The following DLG2 variants were observed in gnomAD, a reference collection of about 807,000 sequenced individuals.
DLG2 encodes disks large homolog 2.
In DLG2, 45 loss-of-function variants were observed where a neutral mutation model predicts 132.5. The observed-to-expected ratio is 0.34, with a 90% CI of 0.27 to 0.44. The LOEUF is 0.44. Ranked by LOEUF, DLG2 falls within the 20% of genes least tolerant of loss-of-function variation. The probability of loss-of-function intolerance (pLI) is 1.00; values close to 1 mark genes in which losing one functional copy is unlikely to be tolerated. For synonymous variants in DLG2, 424 were observed against 419.6 expected (o/e 1.01, Z -0.13); for missense variants, 1,045 against 1,196.9 (o/e 0.87, Z 1.87).
At chr11:85,533,988 T>TTTTG (rs1326309952) in intron 3 of DLG2, among the ~76,000 whole-genome samples, 1 of 152,186 alleles carries the variant, frequency 6.6e-6, no homozygotes, top group South Asian at 2.1e-4. Context: ...GTTTTTTGTT[T>TTTTG]TTTGTTTGTT....
intron 16 of DLG2, among the ~76,000 whole-genome samples, chr11:83,841,194 C>A (rs1473608829): frequency 6.6e-6 from 1 of 152,164 alleles, no homozygotes; most frequent in Non-Finnish European, 1.5e-5. Flanking sequence ...ATACCTAATA[C>A]TCATAGAACA....
chr11:84,551,864 C>T (rs917037010), intron 6 of DLG2, among the ~76,000 whole-genome samples: 1 of 152,104 alleles, frequency 6.6e-6, no homozygotes, highest in South Asian at 2.1e-4. Context: ...ATAGAAATAA[C>T]CTAGTTAATG....
At chr11:84,809,636 T>C (rs1039064546) in intron 6 of DLG2, among the ~76,000 whole-genome samples, 4 of 151,964 alleles carry the variant, frequency 2.6e-5, no homozygotes, top group African/African-American at 9.7e-5. Flanking sequence ...TCAATCAACA[T>C]GTGGACACCC....
chr11:84,723,090 G>T (rs1212960898), intron 6 of DLG2, among the ~76,000 whole-genome samples: 2 of 152,064 alleles, frequency 1.3e-5, no homozygotes, highest in African/African-American at 4.8e-5. Flanking sequence ...CTATAATTAC[G>T]GCTGGTTTTT....
intron 6 of DLG2, among the ~76,000 whole-genome samples, chr11:84,905,219 A>G (rs2091368869): frequency 6.6e-6 from 1 of 152,152 alleles, no homozygotes; most frequent in Non-Finnish European, 1.5e-5. Flanking sequence ...AATTGTTTAG[A>G]AAAACATCTG....
At chr11:83,926,252 T>C (rs2078961772) in intron 15 of DLG2, among the ~76,000 whole-genome samples, 1 of 152,208 alleles carries the variant, frequency 6.6e-6, no homozygotes, top group Admixed American at 6.5e-5. Context: ...AGGTTGCTTT[T>C]GCTGACTAAC....
chr11:83,863,673 A>G (rs2061816276), intron 16 of DLG2, among the ~76,000 whole-genome samples: 1 of 152,166 alleles, frequency 6.6e-6, no homozygotes, highest in African/African-American at 2.4e-5. Flanking sequence ...TGTCAAAAAA[A>G]TCCTATGTAG....
chr11:84,743,580 A>G (rs1456803750), intron 6 of DLG2, among the ~76,000 whole-genome samples: 1 of 152,176 alleles, frequency 6.6e-6, no homozygotes, highest in Non-Finnish European at 1.5e-5. Context: ...AGAGTCATGT[A>G]AGCTGGCAAC....
At chr11:83,973,276 T>C (rs908723081) in intron 12 of DLG2, among the ~76,000 whole-genome samples, 1 of 152,092 alleles carries the variant, frequency 6.6e-6, no homozygotes, top group Admixed American at 6.6e-5. Flanking sequence ...AGCAACATGA[T>C]ACTTACAGAG....
At chr11:85,309,426 T>C (rs1053069567) in intron 3 of DLG2, among the ~76,000 whole-genome samples, 37 of 56,056 alleles carry the variant, frequency 6.6e-4, no homozygotes, top group Non-Finnish European at 1.6e-3. Context: ...AGGGGTTTTC[T>C]ACCAAAAAAA....
At chr11:85,517,806 T>C (rs1448224831) in intron 3 of DLG2, among the ~76,000 whole-genome samples, 2 of 152,104 alleles carry the variant, frequency 1.3e-5, no homozygotes, top group Non-Finnish European at 2.9e-5. Flanking sequence ...CATCATGAAT[T>C]CCCACGTGTT....
At chr11:85,430,887 A>G (rs1316804923) in intron 3 of DLG2, among the ~76,000 whole-genome samples, 2 of 151,160 alleles carry the variant, frequency 1.3e-5, no homozygotes, top group African/African-American at 2.4e-5. Context: ...CACAAGAATC[A>G]CTTGAATCTG....
intron 3 of DLG2, among the ~76,000 whole-genome samples, chr11:85,447,448 G>A (rs911509669): frequency 6.6e-6 from 1 of 152,096 alleles, no homozygotes; most frequent in African/African-American, 2.4e-5. Flanking sequence ...ATAAGAAAAG[G>A]AGAAGATTAG....
At position 84,554,101 on chromosome 11, in the gene DLG2, C is replaced by T. The variant is rs2099407173; in HGVS notation, c.358-19370G>A. ...ACCCATGAGCAACTTCTAGTCTCTGCTTGGGCATATCTTCGTCCATTCAGT... is the reference window on the plus strand; with the variant it reads ...ACCCATGAGCAACTTCTAGTCTCTGTTTGGGCATATCTTCGTCCATTCAGT... On this transcript the variant is annotated intron_variant, in intron 6 of 27. Coordinates refer to ENST00000376104, the MANE Select transcript of DLG2 (RefSeq NM_001142699.3). 2.0e-5 allele frequency among the ~76,000 whole-genome samples: 3 copies of T among 152,194 alleles called. No individual in the cohort carries two copies. The South Asian group carries it at 6.2e-4, about 32-fold the overall frequency.
chr11:83,633,743 A>AACACACACACACACACAC (rs35932645), intron 18 of DLG2, among the ~76,000 whole-genome samples: 39 of 143,198 alleles, frequency 2.7e-4, no homozygotes, highest in Non-Finnish European at 5.0e-4. Flanking sequence ...CACAGAACTA[A>AACACACACACACACACAC]ACACACACAC....
upstream of DLG2, among the ~76,000 whole-genome samples, chr11:85,628,250 G>T (rs1208860431): frequency 1.3e-5 from 2 of 152,230 alleles, no homozygotes; most frequent in Non-Finnish European, 2.9e-5. Context: ...CAGGCAGCTA[G>T]TTCCCAGCTG....
chr11:85,379,780 A>G (rs534333188), intron 3 of DLG2, among the ~76,000 whole-genome samples: 1 of 152,294 alleles, frequency 6.6e-6, no homozygotes, highest in South Asian at 2.1e-4. Context: ...TTTCCCTACT[A>G]TACCATGTAA....
intron 6 of DLG2, among the ~76,000 whole-genome samples, chr11:85,094,930 G>A (rs1056183204): frequency 1.3e-5 from 2 of 152,306 alleles, no homozygotes; most frequent in Admixed American, 1.3e-4. Flanking sequence ...AGTGAGAGAA[G>A]TGTGACTCTT....
chr11:84,259,051 C>T (rs1405253671), intron 7 of DLG2, among the ~76,000 whole-genome samples: 7 of 152,098 alleles, frequency 4.6e-5, no homozygotes, highest in African/African-American at 9.7e-5. Flanking sequence ...CCAGGCAGAT[C>T]ACTTGAAGTC....
Sources: allele counts gnomAD v4.1 joint callset (sites outside exome capture counted in the v4.1 genomes callset), GRCh38; gene constraint gnomAD v4.1.1; transcripts MANE v1.5; gene names NCBI Gene and HGNC (gene_info 2026-07-23, HGNC 2026-07-21).